AGAP1: variants seen among roughly 807,000 people sequenced by gnomAD.
AGAP1 encodes the protein ArfGAP with GTPase domain, ankyrin repeat and PH domain 1, also known as arf-GAP with GTPase, ANK repeat and PH domain-containing protein 1.
AGAP1 carries 29 observed loss-of-function variants against 105.3 expected under a neutral mutation model. The observed-to-expected ratio is 0.28, with a 90% CI of 0.21 to 0.38. The LOEUF is 0.38. AGAP1 is among the 10% of genes least tolerant of loss of function. The pLI, the probability that AGAP1 is intolerant of heterozygous loss-of-function variation, is 1.00. For synonymous variants in AGAP1, 509 were observed against 485.9 expected, an observed-to-expected ratio of 1.05 and a Z score of -0.63; for missense variants, 998 against 1,165.1, an observed-to-expected ratio of 0.86 and a Z score of 2.09.
intron 1 of AGAP1, among the ~76,000 whole-genome samples, chr2:235,630,708 C>T (rs1273310840): frequency 6.6e-6 from 1 of 152,254 alleles, no homozygotes; most frequent in East Asian, 1.9e-4. Flanking sequence ...CCTGCTCCTT[C>T]TCTGCCCTGG....
intron 14 of AGAP1, among the ~76,000 whole-genome samples, chr2:236,039,165 C>T (rs1383119718): frequency 1.3e-5 from 2 of 152,080 alleles, no homozygotes; most frequent in African/African-American, 4.8e-5. Context: ...TACATATCAG[C>T]CAGACACGAT....
At chr2:235,884,558 C>T (rs2050183238) in intron 10 of AGAP1, among the ~76,000 whole-genome samples, 1 of 148,466 alleles carries the variant, frequency 6.7e-6, no homozygotes, top group Non-Finnish European at 1.5e-5. Flanking sequence ...TCAGGCAATT[C>T]TCCTGCCTTG....
At position 236,042,202 on chromosome 2, in the gene AGAP1, C is replaced by T. The variant is rs557745175; in HGVS notation, c.1891+1361C>T. Among the ~76,000 whole-genome samples, 11 of 152,144 alleles carry T rather than the reference C, an allele frequency of 7.2e-5. No individual in the cohort carries two copies. The highest frequency in any genetic ancestry group is 1.3e-4 in the Non-Finnish European group (9 of 68,016). ...AGAGGCAAAGCAGGGAGGAGGCCAG[C>T]CAGGGTCGGCTTGGCCGGGAAGGGA... On this transcript the variant is annotated intron_variant, in intron 15 of 17. Transcript: ENST00000304032. This position sits in a 1 kb window ranked among gnomAD's most constrained non-coding sequence, Gnocchi z 5.6.
At chr2:235,858,178 G>A (rs1035810735) in intron 9 of AGAP1, among the ~76,000 whole-genome samples, 6 of 152,056 alleles carry the variant, frequency 3.9e-5, no homozygotes, top group African/African-American at 1.4e-4. Flanking sequence ...AGTTAAGTTG[G>A]GCGTATAAAA....
Position 235,549,929 on chromosome 2 carries a change from A to G in AGAP1, c.163+55080A>G, listed in dbSNP as rs1312912523. Among the ~76,000 whole-genome samples, 3 of 152,164 alleles carry G rather than the reference A, an allele frequency of 2.0e-5. No homozygotes were observed. Among genetic ancestry groups the G allele is most frequent in the Admixed American group, 6.6e-5 (1 of 15,266 alleles). Reference sequence around the variant, plus strand: ...AGGCTGGGGACGTTTTCGGATGACCACAGGTGTGAAGCTGTCTTCAGTGGT... The same window carrying G: ...AGGCTGGGGACGTTTTCGGATGACCGCAGGTGTGAAGCTGTCTTCAGTGGT... On this transcript the variant is annotated intron_variant, in intron 1 of 17. Transcript: ENST00000304032. The surrounding 1 kb of genome is among the most constrained non-coding windows in gnomAD (Gnocchi z 4.2).
intron 9 of AGAP1, among the ~76,000 whole-genome samples, chr2:235,819,978 A>C (rs1958699034): frequency 7.1e-6 from 1 of 140,438 alleles, no homozygotes; most frequent in East Asian, 2.1e-4. Flanking sequence ...ATCTCAGCTC[A>C]CCGCAACCTC....
At chr2:236,015,428 C>G (rs1036934284) in intron 13 of AGAP1, among the ~76,000 whole-genome samples, 1 of 152,164 alleles carries the variant, frequency 6.6e-6, no homozygotes, top group Non-Finnish European at 1.5e-5. Flanking sequence ...TTCTAAAGGT[C>G]GTCTGGTGCC....
At chr2:235,694,975 G>T (rs953860484) in intron 1 of AGAP1, among the ~76,000 whole-genome samples, 7 of 152,232 alleles carry the variant, frequency 4.6e-5, no homozygotes, top group African/African-American at 7.2e-5. Context: ...GAGGTGCTGA[G>T]CGGAGCTCCA....
intron 9 of AGAP1, among the ~76,000 whole-genome samples, chr2:235,860,325 A>G (rs1356422497): frequency 6.6e-6 from 1 of 152,170 alleles, no homozygotes; most frequent in African/African-American, 2.4e-5. Flanking sequence ...TATTTCCTTT[A>G]ACTGTTCTAA....
chr2:235,681,549 C>T (rs942728339), intron 1 of AGAP1, among the ~76,000 whole-genome samples: 4 of 152,138 alleles, frequency 2.6e-5, no homozygotes, highest in Non-Finnish European at 5.9e-5. Context: ...TTTTCAAAGA[C>T]CTGTTAAAGT....
At chr2:236,085,606 C>T (rs1030604387) in intron 16 of AGAP1, among the ~76,000 whole-genome samples, 9 of 152,194 alleles carry the variant, frequency 5.9e-5, no homozygotes, top group Admixed American at 3.3e-4. Context: ...TCTTTTTTCT[C>T]ATTTCTCTCC....
chr2:235,807,240 C>T lies in AGAP1; in HGVS notation c.959C>T (p.Ser320Phe). 1.2e-6 allele frequency: 2 copies of T among 1,610,754 alleles called. No individual in the cohort carries two copies. Among genetic ancestry groups the T allele is most frequent in the Non-Finnish European group, 8.5e-7 (1 of 1,179,158 alleles). The change falls in exon 9 of 18, where the codon TCT (serine) becomes TTT (phenylalanine). Residue 320 changes from serine to phenylalanine, a missense_variant and splice_region_variant. Coordinates refer to ENST00000304032, the MANE Select transcript of AGAP1 (RefSeq NM_001037131.3). Reference protein sequence around the residue: ...QSKRRSNLFTSRKGSDPDKEK... With the variant: ...QSKRRSNLFTFRKGSDPDKEK... ...GCCAACTTTCCTTTTGCTTTGCAGT[C>T]TCGGAAAGGGAGCGACCCAGACAAA...
Position 235,968,538 on chromosome 2 carries a change from C to G in AGAP1, c.1560C>G (p.Pro520=). 1.1e-6 allele frequency: 1 copy of G among 876,096 alleles called. No homozygotes were observed. The allele number at this position is 876,096 out of a possible 1,614,324, so 54.3% of individuals were successfully genotyped here. A position where few individuals can be genotyped will look rare whatever the true frequency, so the allele number is the denominator to read the frequency against. Residue 520 remains proline (P), a synonymous_variant, in exon 13 of 18, where the codon CCC becomes CCG. Transcript: ENST00000304032. Reference sequence around the variant, plus strand: ...CCAGCCCCAAGCTCGACCCGCCCCCCTCCCCTCACGCCAACAGAAAGAAGC... The same window carrying G: ...CCAGCCCCAAGCTCGACCCGCCCCCGTCCCCTCACGCCAACAGAAAGAAGC... ...STTSPKLDPP[P]SPHANRKKHR...
chr2:235,694,232 C>T (rs532938204), intron 1 of AGAP1, among the ~76,000 whole-genome samples: 235 of 149,714 alleles, frequency 1.6e-3, no homozygotes, highest in African/African-American at 5.7e-3. Context: ...GTAATCCCAG[C>T]ACTTTAGGAG....
chr2:235,547,666 G>A (rs1407782719), intron 1 of AGAP1, among the ~76,000 whole-genome samples: 1 of 152,118 alleles, frequency 6.6e-6, no homozygotes, highest in Non-Finnish European at 1.5e-5. Context: ...ACTAATTTTT[G>A]TATTTTAGTA....
chr2:236,062,642 TTTTG>T lies in AGAP1; in HGVS notation c.2114+13381_2114+13384del, dbSNP rs139155402. On this transcript the variant is annotated intron_variant, in intron 16 of 17. Coordinates refer to ENST00000304032, the MANE Select transcript of AGAP1 (RefSeq NM_001037131.3). The surrounding 1 kb of genome is among the most constrained non-coding windows in gnomAD (Gnocchi z 4.2). ...AGCCACATGCCTCCACACTCAGCTATTTTGTTTGTTTGTTTGTTTGTTTTTGTTT... is the reference window on the plus strand; with the variant it reads ...AGCCACATGCCTCCACACTCAGCTATTTTGTTTGTTTGTTTGTTTTTGTTT... 4.0e-4 allele frequency among the ~76,000 whole-genome samples: 61 copies of T among 151,356 alleles called. No homozygotes were observed. Among genetic ancestry groups the T allele is most frequent in the Non-Finnish European group, 6.0e-4 (41 of 67,836 alleles).
intron 1 of AGAP1, among the ~76,000 whole-genome samples, chr2:235,604,114 G>T (rs768094028): frequency 6.6e-6 from 1 of 151,644 alleles, no homozygotes; most frequent in African/African-American, 2.4e-5. Context: ...CAGAATTCAG[G>T]CTGGTTTCAG....
At position 236,098,620 on chromosome 2, in the gene AGAP1, C is replaced by CTTTTTT. The variant is rs34419216; in HGVS notation, c.2115-21558_2115-21553dup. ...GCTGACTTGATGAAATCTTTTTTTCCTTTTTTTTTTTTTTTTTTTAGAGAA... is the reference window on the plus strand; with the variant it reads ...GCTGACTTGATGAAATCTTTTTTTCCTTTTTTTTTTTTTTTTTTTTTTTTTAGAGAA... On this transcript the variant is annotated intron_variant, in intron 16 of 17. Coordinates refer to ENST00000304032, the MANE Select transcript of AGAP1 (RefSeq NM_001037131.3). 6.6e-4 allele frequency among the ~76,000 whole-genome samples: 76 copies of CTTTTTT among 115,226 alleles called. 8 individuals carry two copies. Among genetic ancestry groups the CTTTTTT allele is most frequent in the African/African-American group, 2.6e-3 (67 of 25,782 alleles). The allele number at this position is 115,226 out of a possible 152,430, so 75.6% of individuals were successfully genotyped here. A position where few individuals can be genotyped will look rare whatever the true frequency, so the allele number is the denominator to read the frequency against.
intron 6 of AGAP1, among the ~76,000 whole-genome samples, chr2:235,767,076 A>G (rs534992390): frequency 1.3e-5 from 2 of 152,012 alleles, no homozygotes; most frequent in South Asian, 2.1e-4. Flanking sequence ...ACGCCTGGCT[A>G]ATTTTTGTAT....
Sources: allele counts gnomAD v4.1 joint callset (sites outside exome capture counted in the v4.1 genomes callset), GRCh38; gene constraint gnomAD v4.1.1; non-coding constraint Gnocchi (gnomAD v3.1); transcripts MANE v1.5; gene names NCBI Gene and HGNC (gene_info 2026-07-23, HGNC 2026-07-21).